Variants in LUZP2 observed in about 807,000 individuals in gnomAD.
LUZP2 encodes leucine zipper protein 2.
In LUZP2, 52 loss-of-function variants were observed where a neutral mutation model predicts 51.6. The ratio of observed to expected loss-of-function variants is 1.01; its 90% CI spans 0.81 to 1.27. The LOEUF is 1.27. Ranked by LOEUF, LUZP2 falls within the 50% of genes most tolerant of loss-of-function variation. The probability of loss-of-function intolerance (pLI) is 0.00; values close to 1 mark genes in which losing one functional copy is unlikely to be tolerated. For synonymous variants in LUZP2, 154 were observed against 137.3 expected (o/e 1.12, Z -0.85); for missense variants, 436 against 395.4 (o/e 1.10, Z -0.87).
At chr11:24,891,936 A>C (rs1346404541) in intron 5 of LUZP2, 1 of 985,464 alleles carries the variant, frequency 1.0e-6, no homozygotes, top group East Asian at 1.1e-4. Flanking sequence ...GAGGTGAAAA[A>C]TGGCTTATTT....
At chr11:24,591,447 T>C (rs1853257701) in intron 1 of LUZP2, among the ~76,000 whole-genome samples, 1 of 152,190 alleles carries the variant, frequency 6.6e-6, no homozygotes, top group South Asian at 2.1e-4. Flanking sequence ...TTCTCTAACT[T>C]CTGAAGTTAT....
chr11:24,720,152 C>G (rs1290085433), intron 1 of LUZP2, among the ~76,000 whole-genome samples: 1 of 152,050 alleles, frequency 6.6e-6, no homozygotes, highest in Non-Finnish European at 1.5e-5. Context: ...TGATTTCCCA[C>G]AAAGGATTTG....
chr11:24,745,105 T>C (rs1363841035), intron 4 of LUZP2, among the ~76,000 whole-genome samples: 1 of 152,164 alleles, frequency 6.6e-6, no homozygotes, highest in Non-Finnish European at 1.5e-5. Flanking sequence ...TTTAAACTTA[T>C]TGAGACTTGT....
chr11:24,655,054 A>T (rs1855760422), intron 1 of LUZP2, among the ~76,000 whole-genome samples: 1 of 152,188 alleles, frequency 6.6e-6, no homozygotes, highest in Admixed American at 6.5e-5. Context: ...AGTATGTTGC[A>T]GAAAAAATAA....
intron 5 of LUZP2, among the ~76,000 whole-genome samples, chr11:24,859,873 C>T (rs115935816): frequency 0.012 from 1,766 of 152,322 alleles, 27 homozygotes; most frequent in African/African-American, 0.04. Context: ...ACCCAAGCCA[C>T]TGGGGCCTAG....
intron 5 of LUZP2, among the ~76,000 whole-genome samples, chr11:24,777,140 G>GC (rs1422386125): frequency 6.6e-6 from 1 of 151,646 alleles, no homozygotes; most frequent in Non-Finnish European, 1.5e-5. Context: ...GACTACAGGC[G>GC]CCACCACCAC....
At chr11:24,648,836 T>C (rs1435396145) in intron 1 of LUZP2, among the ~76,000 whole-genome samples, 1 of 152,040 alleles carries the variant, frequency 6.6e-6, no homozygotes, top group Admixed American at 6.6e-5. Context: ...GGTGCAAAAG[T>C]AATTGCAGTT....
intron 9 of LUZP2, among the ~76,000 whole-genome samples, chr11:25,031,288 G>A (rs1857678809): frequency 6.6e-6 from 1 of 151,642 alleles, no homozygotes. Flanking sequence ...GGTATTACAG[G>A]CGTGAGCCAC....
intron 5 of LUZP2, among the ~76,000 whole-genome samples, chr11:24,875,004 T>C (rs146343488): frequency 1.3e-5 from 2 of 152,304 alleles, no homozygotes; most frequent in African/African-American, 4.8e-5. Flanking sequence ...GCTGGGGCCA[T>C]GTTCCTAAGT....
chr11:24,843,251 C>A (rs1480955100), intron 5 of LUZP2, among the ~76,000 whole-genome samples: 8 of 151,844 alleles, frequency 5.3e-5, no homozygotes, highest in African/African-American at 1.7e-4. Flanking sequence ...GATAAAAAAA[C>A]AAAACAAAGT....
intron 7 of LUZP2, among the ~76,000 whole-genome samples, chr11:24,947,798 A>G (rs1854941950): frequency 6.6e-6 from 1 of 151,500 alleles, no homozygotes; most frequent in African/African-American, 2.4e-5. Flanking sequence ...TCTGCTCTCC[A>G]TTGTTTATCA....
intron 1 of LUZP2, among the ~76,000 whole-genome samples, chr11:24,609,118 C>T (rs1335110617): frequency 1.3e-5 from 2 of 152,044 alleles, no homozygotes; most frequent in Non-Finnish European, 2.9e-5. Flanking sequence ...TTGTGATAGG[C>T]TTAGTAGACT....
chr11:24,864,535 C>A (rs1444462878), intron 5 of LUZP2, among the ~76,000 whole-genome samples: 4 of 152,144 alleles, frequency 2.6e-5, no homozygotes, highest in African/African-American at 9.7e-5. Flanking sequence ...TCTCTCTTTC[C>A]ATTGCTGGGC....
At chr11:24,909,146 A>G (rs911839209) in intron 6 of LUZP2, among the ~76,000 whole-genome samples, 1 of 151,476 alleles carries the variant, frequency 6.6e-6, no homozygotes, top group Non-Finnish European at 1.5e-5. Flanking sequence ...AACATTTTTT[A>G]AAAATATATA....
intron 1 of LUZP2, among the ~76,000 whole-genome samples, chr11:24,607,341 CTTTTTTTTTTTTT>C (rs57741208): frequency 0.02 from 1,296 of 63,478 alleles, 40 homozygotes; most frequent in African/African-American, 0.066. Context: ...GATATTATGT[CTTTTTTTTTTTTT>C]TTTTTTTTTT....
Position 25,017,186 on chromosome 11 carries a change from G to A in LUZP2, c.766-32852G>A, listed in dbSNP as rs538025977. ...TTCTGGATATTAGTCCTATGACAGA[G>A]GCATAGTTTGCAAATATTTCTCCCA... On this transcript the variant is annotated intron_variant, in intron 9 of 11. Transcript: ENST00000336930. 2.6e-5 allele frequency among the ~76,000 whole-genome samples: 4 copies of A among 152,070 alleles called. No homozygotes were observed. In the South Asian group the frequency reaches 8.3e-4, roughly 32 times the overall value.
rs538924030 is a variant in LUZP2 at position 24,747,758 on chromosome 11, T to C, written c.333+9456T>C. Among the ~76,000 whole-genome samples the C allele has an allele frequency of 3.3e-5, 5 of 151,856 alleles. No individual in the cohort carries two copies. In the South Asian group the frequency reaches 1.0e-3, roughly 32 times the overall value. Reference sequence around the variant, plus strand: ...GCTGTTGTGGGGGATGGGGATGAGGTTCCCAGGTGACTGGAGTTGTGTACC... The same window carrying C: ...GCTGTTGTGGGGGATGGGGATGAGGCTCCCAGGTGACTGGAGTTGTGTACC... On this transcript the variant is annotated intron_variant, in intron 4 of 11. Transcript: ENST00000336930.
chr11:24,978,661 C>G (rs1458965537), intron 8 of LUZP2, among the ~76,000 whole-genome samples: 1 of 151,698 alleles, frequency 6.6e-6, no homozygotes, highest in Non-Finnish European at 1.5e-5. Context: ...GGTCCCATAT[C>G]TCTCACAATT....
At chr11:24,894,826 A>G (rs919525218) in intron 5 of LUZP2, among the ~76,000 whole-genome samples, 2 of 152,180 alleles carry the variant, frequency 1.3e-5, no homozygotes, top group African/African-American at 4.8e-5. Context: ...ACTGGGGGCA[A>G]TTGAGAACGG....
Sources: gnomAD v4.1 joint callset for allele counts (sites outside exome capture counted in the v4.1 genomes callset) on GRCh38, gnomAD v4.1.1 for gene constraint, MANE v1.5 for transcripts, NCBI Gene and HGNC (gene_info 2026-07-23, HGNC 2026-07-21) for gene names.